Variants in TAFA5 observed in about 807,000 individuals in gnomAD.
TAFA5 encodes TAFA chemokine like family member 5.
In TAFA5, 6 loss-of-function variants were observed where a neutral mutation model predicts 15.3. The observed-to-expected ratio is 0.39, with a 90% CI of 0.21 to 0.77. TAFA5 has a LOEUF of 0.77. Among genes scored for constraint, TAFA5 ranks in the 30% least tolerant of loss-of-function variants. The pLI is 0.41. For missense variants in TAFA5, 161 were observed against 193.1 expected (o/e 0.83, Z 0.98); for synonymous variants, 103 against 80.7 (o/e 1.28, Z -1.48).
chr22:48,674,726 G>A (rs889119742), intron 2 of TAFA5, among the ~76,000 whole-genome samples: 1 of 152,120 alleles, frequency 6.6e-6, no homozygotes, highest in Non-Finnish European at 1.5e-5. Context: ...GGGGAGGGGG[G>A]CCACCTTAGC....
chr22:48,684,036 A>G (rs552588253), intron 2 of TAFA5, among the ~76,000 whole-genome samples: 71 of 152,276 alleles, frequency 4.7e-4, no homozygotes, highest in African/African-American at 1.6e-3. Flanking sequence ...ACCCAGTCTC[A>G]GGTAGTTATT....
intron 2 of TAFA5, among the ~76,000 whole-genome samples, chr22:48,690,678 G>T (rs1023821327): frequency 1.3e-5 from 2 of 152,244 alleles, no homozygotes; most frequent in Admixed American, 6.5e-5. Flanking sequence ...CCTCTCTGTA[G>T]TGTAGCATCT....
At chr22:48,496,185 TGTG>T (rs1928317784) in intron 1 of TAFA5, among the ~76,000 whole-genome samples, 1 of 152,194 alleles carries the variant, frequency 6.6e-6, no homozygotes, top group Non-Finnish European at 1.5e-5. Flanking sequence ...GCGTGTGTGT[TGTG>T]GTGGCCACTG....
chr22:48,695,574 CCTGT>C (rs1311340852), intron 2 of TAFA5, among the ~76,000 whole-genome samples: 13 of 152,204 alleles, frequency 8.5e-5, no homozygotes, highest in African/African-American at 2.9e-4. Context: ...ACCACTTGTG[CCTGT>C]CTGTCTGTTC....
chr22:48,624,468 C>T (rs745780375), intron 1 of TAFA5, among the ~76,000 whole-genome samples: 2 of 152,190 alleles, frequency 1.3e-5, no homozygotes, highest in Non-Finnish European at 1.5e-5. Flanking sequence ...GATTCTTCAG[C>T]GTCGGAGACA....
chr22:48,508,159 GTGAC>G (rs987930690), intron 1 of TAFA5, among the ~76,000 whole-genome samples: 12 of 152,176 alleles, frequency 7.9e-5, no homozygotes, highest in African/African-American at 2.4e-4. Flanking sequence ...TCTCAGGGAG[GTGAC>G]TGTCTGTGTG....
intron 1 of TAFA5, among the ~76,000 whole-genome samples, chr22:48,518,396 A>G (rs1414588049): frequency 2.0e-5 from 3 of 152,074 alleles, no homozygotes; most frequent in African/African-American, 7.2e-5. Context: ...GTCCTCCCCA[A>G]ACCAAGGCAG....
At chr22:48,682,796 G>A (rs116205050) in intron 2 of TAFA5, among the ~76,000 whole-genome samples, 22 of 152,248 alleles carry the variant, frequency 1.4e-4, no homozygotes, top group African/African-American at 4.8e-4. Flanking sequence ...TGGTGCTTTC[G>A]TCGGTTTTTT....
intron 2 of TAFA5, among the ~76,000 whole-genome samples, chr22:48,679,290 C>T (rs867555241): frequency 1.1e-4 from 9 of 84,748 alleles, no homozygotes; most frequent in African/African-American, 2.5e-4. Context: ...TCCGGCTCCC[C>T]GTCCATCCCT....
At chr22:48,604,615 T>G (rs1421890464) in intron 1 of TAFA5, among the ~76,000 whole-genome samples, 4 of 152,220 alleles carry the variant, frequency 2.6e-5, no homozygotes, top group Admixed American at 6.5e-5. Context: ...TGCTTTGTTT[T>G]CGAAATTTCT....
In TAFA5 at chr22:48,542,274, T is replaced by G. The variant is rs1045556661; in HGVS notation, c.112+52570T>G. Among the ~76,000 whole-genome samples the G allele has an allele frequency of 5.8e-3, 773 of 134,248 alleles. 3 individuals carry two copies. Among genetic ancestry groups the G allele is most frequent in the Non-Finnish European group, 8.2e-3 (521 of 63,360 alleles). 88.1% of individuals were successfully genotyped at this position (134,248 alleles called of 152,430 possible). ...TGTGTGTATGTGTGTGTGGTGTGTG[T>G]GGGGGGTGTGTGTGCATGTGTGATG... On this transcript the variant is annotated intron_variant, in intron 1 of 3. Coordinates refer to ENST00000402357, the MANE Select transcript of TAFA5 (RefSeq NM_001082967.3).
At chr22:48,506,644 C>CT (rs1451758738) in intron 1 of TAFA5, among the ~76,000 whole-genome samples, 1 of 152,176 alleles carries the variant, frequency 6.6e-6, no homozygotes, top group Non-Finnish European at 1.5e-5. Flanking sequence ...CCAGGATGGC[C>CT]AAGGCTGCCC....
chr22:48,670,484 A>G (rs577258244), intron 2 of TAFA5, among the ~76,000 whole-genome samples: 3 of 152,360 alleles, frequency 2.0e-5, no homozygotes, highest in African/African-American at 7.2e-5. Flanking sequence ...GCGGGCTGTC[A>G]GCTCAGACTC....
chr22:48,593,687 C>A (rs1460091414), intron 1 of TAFA5, among the ~76,000 whole-genome samples: 1 of 152,186 alleles, frequency 6.6e-6, no homozygotes, highest in Non-Finnish European at 1.5e-5. Context: ...GTGCAGTGAA[C>A]TCTGGGAGCC....
rs373366966 is a variant in TAFA5 at position 48,531,856 on chromosome 22, G to A, written c.112+42152G>A. Among the ~76,000 whole-genome samples the A allele has an allele frequency of 9.9e-4, 151 of 152,298 alleles. 1 individual carries two copies. The highest frequency in any genetic ancestry group is 3.3e-3 in the African/African-American group (139 of 41,574). The stretch of plus-strand genomic sequence containing the variant: ...GTGCCTCCCACCCCCCAACTCCCCC[G>A]GAAGGACGGACGGGCCTGGCAGGGC... On this transcript the variant is annotated intron_variant, in intron 1 of 3. Coordinates refer to ENST00000402357, the MANE Select transcript of TAFA5 (RefSeq NM_001082967.3).
chr22:48,542,051 C>T lies in TAFA5; in HGVS notation c.112+52347C>T, dbSNP rs545558492. Among the ~76,000 whole-genome samples the T allele has an allele frequency of 7.3e-5, 11 of 150,780 alleles. No homozygotes were observed. In the East Asian group the frequency reaches 1.6e-3, roughly 22 times the overall value. On this transcript the variant is annotated intron_variant, in intron 1 of 3. Coordinates refer to ENST00000402357, the MANE Select transcript of TAFA5 (RefSeq NM_001082967.3). Reference sequence around the variant, plus strand: ...GGTGTTCAGATTGGAGGGGCCGGGGCGTGTGTGTGTGGTGTGTGTGTGCGT... The same window carrying T: ...GGTGTTCAGATTGGAGGGGCCGGGGTGTGTGTGTGTGGTGTGTGTGTGCGT...
At chr22:48,679,810 A>G (rs191778534) in intron 2 of TAFA5, among the ~76,000 whole-genome samples, 472 of 151,168 alleles carry the variant, frequency 3.1e-3, no homozygotes, top group Non-Finnish European at 5.2e-3. Flanking sequence ...GTGGCTGAAG[A>G]TGTGTTGTTC....
intron 1 of TAFA5, among the ~76,000 whole-genome samples, chr22:48,633,532 G>GTCTGTCTCTCTCTCTC (rs1555894461): frequency 7.2e-6 from 1 of 138,768 alleles, no homozygotes; most frequent in East Asian, 2.3e-4. Context: ...CTGTCTGTCT[G>GTCTGTCTCTCTCTCTC]TCTCTCCCTC....
chr22:48,574,726 A>T (rs1179114451), intron 1 of TAFA5, among the ~76,000 whole-genome samples: 4 of 152,196 alleles, frequency 2.6e-5, no homozygotes, highest in African/African-American at 9.6e-5. Context: ...TGAATTTCAA[A>T]TTCAATTCAG....
Sources: gnomAD v4.1 joint callset for allele counts (sites outside exome capture counted in the v4.1 genomes callset) on GRCh38, gnomAD v4.1.1 for gene constraint, MANE v1.5 for transcripts, NCBI Gene and HGNC (gene_info 2026-07-23, HGNC 2026-07-21) for gene names.